The following GPNMB variants were observed in gnomAD, a reference collection of about 807,000 sequenced individuals.
GPNMB encodes the protein transmembrane glycoprotein NMB.
Under a neutral mutation model 57.3 loss-of-function variants are expected in GPNMB, and 71 were observed. That is an observed-to-expected ratio of 1.24 (90% CI 1.02 to 1.51). The LOEUF (loss-of-function observed/expected upper bound fraction) is 1.51, where lower values mean the gene tolerates loss of function less well. Ranked by LOEUF, GPNMB falls within the 40% of genes most tolerant of loss-of-function variation. The pLI is 0.00. For synonymous variants in GPNMB, 253 were observed against 263.2 expected (o/e 0.96, Z 0.38); for missense variants, 677 against 691.9 (o/e 0.98, Z 0.24).
chr7:23,269,252 G>C (rs1412041015), intron 8 of GPNMB, among the ~76,000 whole-genome samples: 1 of 152,054 alleles, frequency 6.6e-6, no homozygotes, highest in Non-Finnish European at 1.5e-5. Context: ...CAGGAGTGGT[G>C]GCAGGTGCCT....
intron 7 of GPNMB, 64 bp downstream of exon 7, chr7:23,266,679 C>T (rs1432656136): frequency 6.9e-7 from 1 of 1,457,326 alleles, no homozygotes; most frequent in Non-Finnish European, 9.5e-7. Context: ...CACCCACTCT[C>T]TCTGCTAACT....
chr7:23,253,409 T>C lies in GPNMB; in HGVS notation c.173T>C (p.Leu58Pro). ...GATGAAAATGACTGGAATGAAAAAC[T>C]CTACCCAGTGTGGAAGCGGGGAGAC... is the stretch of plus-strand genomic sequence containing the variant. ...SSDENDWNEK[L>P]YPVWKRGDMR... Residue 58 changes from leucine (L) to proline (P), a missense_variant, in exon 2 of 11, where the codon CTC becomes CCC. By Grantham distance (98) the Leu-to-Pro change is moderately conservative. Coordinates refer to ENST00000258733, the MANE Select transcript of GPNMB (RefSeq NM_002510.3). 1.2e-6 allele frequency: 2 copies of C among 1,613,992 alleles called. No homozygotes were observed. Among genetic ancestry groups the C allele is most frequent in the South Asian group, 1.1e-5 (1 of 91,066 alleles).
intron 9 of GPNMB, chr7:23,273,195 A>C (rs186287943): frequency 9.6e-4 from 220 of 228,442 alleles, no homozygotes; most frequent in Admixed American, 1.9e-3. Flanking sequence ...AGAGAGAGGA[A>C]GCTGGAGGCA....
intron 1 of GPNMB, 129 bp from the exon 2 acceptor site, chr7:23,253,178 C>G: frequency 1.5e-6 from 1 of 676,238 alleles, no homozygotes; most frequent in Non-Finnish European, 2.4e-6. Context: ...AACAAAGCAC[C>G]CTCTGTTTAC....
chr7:23,254,230 A>C lies in GPNMB; in HGVS notation c.285A>C (p.Thr95=). Residue 95 remains threonine (T), a synonymous_variant, in exon 3 of 11, where the codon ACA becomes ACC. Coordinates refer to ENST00000258733, the MANE Select transcript of GPNMB (RefSeq NM_002510.3). ...DSPALVGSNI[T]FAVNLIFPRC... is the part of the protein sequence containing the mutation. ...CAGCCCTCGTGGGCTCAAATATAACATTTGCGGTGAACCTGATATTCCCTA... is the reference window on the plus strand; with the variant it reads ...CAGCCCTCGTGGGCTCAAATATAACCTTTGCGGTGAACCTGATATTCCCTA... 6.2e-7 allele frequency: 1 copy of C among 1,614,004 alleles called. No homozygotes were observed. The highest frequency in any genetic ancestry group is 8.5e-7 in the Non-Finnish European group (1 of 1,179,878).
At chr7:23,247,547 C>T (rs973239091) in intron 1 of GPNMB, among the ~76,000 whole-genome samples, 2 of 152,248 alleles carry the variant, frequency 1.3e-5, no homozygotes, top group African/African-American at 4.8e-5. Context: ...TTAAAAGTTC[C>T]TCTTGGGATC....
At chr7:23,258,796 C>T (rs10085838) in intron 4 of GPNMB, among the ~76,000 whole-genome samples, 1 of 152,134 alleles carries the variant, frequency 6.6e-6, no homozygotes, top group South Asian at 2.1e-4. Flanking sequence ...TGCATCTCAA[C>T]GTGAAGGAGG....
Position 23,270,106 on chromosome 7 carries a change from G to T in GPNMB, c.1360G>T (p.Val454Leu). 1 of 1,614,152 alleles carries T rather than the reference G, an allele frequency of 6.2e-7. No homozygotes were observed. The highest frequency in any genetic ancestry group is 8.5e-7 in the Non-Finnish European group (1 of 1,180,024). ...RTFNGSGTYC[V>L]NLTLGDDTSL... ...CTTCAATGGGTCTGGGACGTACTGTGTGAACCTCACCCTGGGGGATGACAC... is the reference window on the plus strand; with the variant it reads ...CTTCAATGGGTCTGGGACGTACTGTTTGAACCTCACCCTGGGGGATGACAC... The change falls in exon 9 of 11, where the codon GTG becomes TTG. Residue 454 changes from valine to leucine, a missense_variant. Physicochemically the swap from Val to Leu is conservative, Grantham distance 32. Coordinates refer to ENST00000258733, the MANE Select transcript of GPNMB (RefSeq NM_002510.3).
intron 3 of GPNMB, among the ~76,000 whole-genome samples, chr7:23,256,154 T>C (rs57526389): frequency 0.057 from 8,681 of 152,138 alleles, 714 homozygotes; most frequent in African/African-American, 0.18. Context: ...GATCCGCCCA[T>C]CTCGGCCTCC....
At chr7:23,250,687 G>A (rs746046632) in intron 1 of GPNMB, 4 of 152,042 alleles carry the variant, frequency 2.6e-5, no homozygotes, top group African/African-American at 9.7e-5. Flanking sequence ...ACTTTTCCTG[G>A]GCTTCTGACA....
intron 7 of GPNMB, among the ~76,000 whole-genome samples, chr7:23,267,138 C>A (rs1421183720): frequency 1.3e-5 from 2 of 152,220 alleles, no homozygotes; most frequent in Admixed American, 6.5e-5. Context: ...GAAGCCCAAG[C>A]AGTGTCCCCT....
rs763426950 is a variant in GPNMB, at chr7:23,253,416, A to G, written c.180A>G (p.Pro60=). 3.7e-6 allele frequency: 6 copies of G among 1,613,862 alleles called. No individual in the cohort carries two copies. The highest frequency in any genetic ancestry group is 5.1e-6 in the Non-Finnish European group (6 of 1,179,890). ...DENDWNEKLY[P]VWKRGDMRWK... The stretch of plus-strand genomic sequence containing the variant: ...ATGACTGGAATGAAAAACTCTACCC[A>G]GTGTGGAAGCGGGGAGACATGAGGT... The change falls in exon 2 of 11, where the codon CCA becomes CCG. Residue 60 remains proline, a synonymous_variant. Transcript: ENST00000258733.
rs912408683 is a variant in GPNMB at position 23,266,746 on chromosome 7, A to G, written c.1117+131A>G. 8 of 698,748 alleles carry G rather than the reference A, an allele frequency of 1.1e-5. No individual in the cohort carries two copies. The African/African-American group carries it at 1.3e-4, about 11-fold the overall frequency. The allele number at this position is 698,748 out of a possible 1,614,324, so 43.3% of individuals were successfully genotyped here. A position where few individuals can be genotyped will look rare whatever the true frequency, so the allele number is the denominator to read the frequency against. On this transcript the variant is annotated intron_variant, in intron 7 of 10. Coordinates refer to ENST00000258733, the MANE Select transcript of GPNMB (RefSeq NM_002510.3). Reference sequence around the variant, plus strand: ...CCCTCTGCTTGTCTAAGATGACACCACACATGCAAGAGCAAAGACCCCATT... The same window carrying G: ...CCCTCTGCTTGTCTAAGATGACACCGCACATGCAAGAGCAAAGACCCCATT...
chr7:23,273,430 C>T, intron 9 of GPNMB, 91 bp from the exon 10 acceptor site: 8 of 787,636 alleles, frequency 1.0e-5, no homozygotes, highest in South Asian at 3.0e-5. Context: ...TCTTCTGTGA[C>T]GGCTCCCTTC....
In GPNMB at chr7:23,246,909, C is replaced by G. The variant is rs1387156785; in HGVS notation, c.52C>G (p.Pro18Ala). 1 of 1,612,790 alleles carries G rather than the reference C, an allele frequency of 6.2e-7. No individual in the cohort carries two copies. ...ATTTCTGCTCCTGGCTGCAAGATTG[C>G]CACTTGATGCCGCCAAACGTGAGTA... The part of the protein sequence containing the change: ...LGFLLLAARL[P>A]LDAAKRFHDV... The change falls in exon 1 of 11, where the codon CCA becomes GCA. Residue 18 changes from proline to alanine, a missense_variant. By Grantham distance (27) the Pro-to-Ala change is conservative. Transcript: ENST00000258733.
chr7:23,273,855 C>T (rs1428446680), intron 10 of GPNMB: 13 of 583,554 alleles, frequency 2.2e-5, no homozygotes, highest in Non-Finnish European at 3.6e-5. Context: ...TTAATTTTAA[C>T]ATGATAGTCT....
intron 4 of GPNMB, 100 bp from the exon 5 acceptor site, chr7:23,259,880 C>G (rs1377569430): frequency 5.4e-6 from 6 of 1,118,654 alleles, no homozygotes; most frequent in Non-Finnish European, 7.9e-6. Context: ...TTTCCCTCCT[C>G]AGAGCAATCT....
intron 6 of GPNMB, chr7:23,266,198 C>T (rs1249818125): frequency 3.6e-6 from 1 of 276,040 alleles, no homozygotes. Context: ...ATCTGCCCCC[C>T]TCGGCCTCCC....
chr7:23,271,891 C>T (rs1783216402), intron 9 of GPNMB, among the ~76,000 whole-genome samples: 2 of 152,116 alleles, frequency 1.3e-5, no homozygotes, highest in South Asian at 4.1e-4. Context: ...AGATTTAATC[C>T]CATTAAAAGA....
Sources: allele counts gnomAD v4.1 joint callset (sites outside exome capture counted in the v4.1 genomes callset), GRCh38; gene constraint gnomAD v4.1.1; transcripts MANE v1.5; gene names NCBI Gene and HGNC (gene_info 2026-07-23, HGNC 2026-07-21).